The following DPP10 variants were observed in gnomAD, a reference collection of about 807,000 sequenced individuals.
The protein encoded by DPP10 is inactive dipeptidyl peptidase 10.
DPP10 carries 33 observed loss-of-function variants against 120.9 expected under a neutral mutation model. That is an observed-to-expected ratio of 0.27 (90% CI 0.21 to 0.37). The LOEUF (loss-of-function observed/expected upper bound fraction) is 0.37. Among genes scored for constraint, DPP10 ranks in the 10% least tolerant of loss-of-function variants. DPP10 has a pLI of 1.00. For synonymous variants in DPP10, 337 were observed against 326.1 expected (o/e 1.03, Z -0.36); for missense variants, 816 against 942.8 (o/e 0.87, Z 1.76).
At chr2:114,524,814 C>T (rs1685360783) in intron 1 of DPP10, among the ~76,000 whole-genome samples, 2 of 152,182 alleles carry the variant, frequency 1.3e-5, no homozygotes, top group South Asian at 4.1e-4. Flanking sequence ...ACCCCTACCT[C>T]CTGTTTGTTT....
At chr2:114,831,892 A>G (rs1011348703) in intron 1 of DPP10, among the ~76,000 whole-genome samples, 1 of 148,458 alleles carries the variant, frequency 6.7e-6, no homozygotes, top group African/African-American at 2.4e-5. Context: ...TATATATATA[A>G]CCAAGGCAAA....
At chr2:114,685,424 T>C (rs1003377879) in intron 1 of DPP10, among the ~76,000 whole-genome samples, 7 of 152,002 alleles carry the variant, frequency 4.6e-5, no homozygotes, top group African/African-American at 1.7e-4. Context: ...CTTTTGGTTA[T>C]AGAAAAACAT....
At chr2:114,996,858 T>C (rs1366034633) in intron 1 of DPP10, among the ~76,000 whole-genome samples, 1 of 151,846 alleles carries the variant, frequency 6.6e-6, no homozygotes, top group Admixed American at 6.6e-5. Context: ...GGCGCACAGC[T>C]GTACTCCCAG....
At chr2:115,104,663 A>G (rs2048860466) in intron 1 of DPP10, among the ~76,000 whole-genome samples, 1 of 152,128 alleles carries the variant, frequency 6.6e-6, no homozygotes, top group East Asian at 1.9e-4. Context: ...AAAGTACCTG[A>G]TCAACTAAGT....
At chr2:115,036,817 AG>A (rs1704257017) in intron 1 of DPP10, among the ~76,000 whole-genome samples, 1 of 152,052 alleles carries the variant, frequency 6.6e-6, no homozygotes, top group Admixed American at 6.5e-5. Context: ...GGAGAATGAA[AG>A]AAACTCCCAA....
intron 21 of DPP10, among the ~76,000 whole-genome samples, chr2:115,834,160 A>G (rs1689210881): frequency 6.6e-6 from 1 of 152,194 alleles, no homozygotes; most frequent in Admixed American, 6.5e-5. Flanking sequence ...AGAACAATAT[A>G]TGCTATCTCA....
chr2:115,761,223 A>G (rs1680079537), intron 11 of DPP10, among the ~76,000 whole-genome samples: 1 of 152,138 alleles, frequency 6.6e-6, no homozygotes, highest in African/African-American at 2.4e-5. Context: ...TGGGCAACAT[A>G]ATGAGACACC....
At chr2:115,536,126 A>G (rs1193964128) in intron 5 of DPP10, among the ~76,000 whole-genome samples, 1 of 152,062 alleles carries the variant, frequency 6.6e-6, no homozygotes, top group Non-Finnish European at 1.5e-5. Flanking sequence ...ACACAAAAAA[A>G]GAAGATAGAA....
chr2:114,657,472 C>T (rs1363637231), intron 1 of DPP10, among the ~76,000 whole-genome samples: 1 of 152,076 alleles, frequency 6.6e-6, no homozygotes, highest in Non-Finnish European at 1.5e-5. Flanking sequence ...TAAATAAATT[C>T]AGCTTGTCAG....
chr2:115,689,467 T>G (rs1046191175), intron 5 of DPP10, among the ~76,000 whole-genome samples: 4 of 152,094 alleles, frequency 2.6e-5, no homozygotes, highest in Non-Finnish European at 4.4e-5. Context: ...ACAATTATAC[T>G]CAGGATAGAG....
chr2:114,451,514 G>C (rs1678273030), intron 1 of DPP10, among the ~76,000 whole-genome samples: 1 of 152,046 alleles, frequency 6.6e-6, no homozygotes, highest in South Asian at 2.1e-4. Flanking sequence ...ATAGGAGTTA[G>C]ATTGATAAAG....
intron 3 of DPP10, among the ~76,000 whole-genome samples, chr2:115,466,151 C>T (rs2074311549): frequency 6.6e-6 from 1 of 151,666 alleles, no homozygotes; most frequent in Admixed American, 6.6e-5. Flanking sequence ...AACTGATAGA[C>T]CTTTGCTTTA....
intron 1 of DPP10, among the ~76,000 whole-genome samples, chr2:115,207,751 T>C (rs1314589996): frequency 2.6e-5 from 4 of 152,144 alleles, no homozygotes; most frequent in Non-Finnish European, 5.9e-5. Context: ...TGTAACCGAA[T>C]TGAATTTGGA....
At chr2:114,764,133 G>T (rs532989725) in intron 1 of DPP10, among the ~76,000 whole-genome samples, 1 of 152,220 alleles carries the variant, frequency 6.6e-6, no homozygotes, top group African/African-American at 2.4e-5. Context: ...GTCTTCAACT[G>T]TATTACTAAA....
chr2:115,015,889 A>G (rs769732578), intron 1 of DPP10, among the ~76,000 whole-genome samples: 1 of 152,218 alleles, frequency 6.6e-6, no homozygotes. Flanking sequence ...GCTCATGGAT[A>G]GGAAGGGCCA....
chr2:115,622,107 T>G (rs941627973), intron 5 of DPP10, among the ~76,000 whole-genome samples: 3 of 152,188 alleles, frequency 2.0e-5, no homozygotes, highest in Non-Finnish European at 4.4e-5. Flanking sequence ...AATCTTGTTA[T>G]AGAACATTTT....
At chr2:115,670,997 T>G (rs1227212373) in intron 5 of DPP10, among the ~76,000 whole-genome samples, 1 of 152,074 alleles carries the variant, frequency 6.6e-6, no homozygotes, top group Non-Finnish European at 1.5e-5. Flanking sequence ...ATTCCTGGTT[T>G]CTAATATTAT....
intron 1 of DPP10, among the ~76,000 whole-genome samples, chr2:114,970,001 G>T (rs2104780157): frequency 6.6e-6 from 1 of 152,178 alleles, no homozygotes; most frequent in Non-Finnish European, 1.5e-5. Flanking sequence ...ACTCTCAATA[G>T]CCAACAGTCA....
intron 3 of DPP10, 95 bp downstream of exon 3, chr2:115,344,007 A>G: frequency 1.0e-6 from 1 of 971,354 alleles, no homozygotes. Flanking sequence ...GCAATGGCTT[A>G]TGCCTGTCAT....
Sources: allele counts gnomAD v4.1 joint callset (sites outside exome capture counted in the v4.1 genomes callset), GRCh38; gene constraint gnomAD v4.1.1; transcripts MANE v1.5; gene names NCBI Gene and HGNC (gene_info 2026-07-23, HGNC 2026-07-21).